The following C5orf34 variants were observed in gnomAD, a reference collection of about 807,000 sequenced individuals.
The protein encoded by C5orf34 is uncharacterized protein C5orf34.
A neutral mutation model predicts 78.4 loss-of-function variants in C5orf34; 73 were observed. The ratio of observed to expected loss-of-function variants is 0.93; its 90% CI spans 0.77 to 1.13. The LOEUF (loss-of-function observed/expected upper bound fraction) is 1.13. Among genes scored for constraint, C5orf34 ranks in the 50% most tolerant of loss-of-function variants. C5orf34 has a pLI of 0.00. For missense variants in C5orf34, 730 were observed against 732.7 expected, an observed-to-expected ratio of 1.00 and a Z score of 0.04; for synonymous variants, 251 against 246.6, an observed-to-expected ratio of 1.02 and a Z score of -0.17.
rs748411227 is a variant in C5orf34 at position 43,503,675 on chromosome 5, C to T, written c.1018G>A (p.Val340Ile). 2 of 1,609,384 alleles carry T rather than the reference C, an allele frequency of 1.2e-6. No individual in the cohort carries two copies. Among genetic ancestry groups the T allele is most frequent in the Non-Finnish European group, 1.7e-6 (2 of 1,175,736 alleles). ...ACATAGGTGCCTTACCTATATGTAA[C>T]ACCTTTGTACCAAACCATTTTCACT... The part of the protein sequence containing the change: ...ELVKMVWYKG[V>I]TYRLTHQNMN... The change falls in exon 5 of 13, where the codon GTT becomes ATT. Residue 340 changes from valine (V) to isoleucine (I), a missense_variant. Coordinates refer to ENST00000306862, the MANE Select transcript of C5orf34 (RefSeq NM_198566.4).
intron 3 of C5orf34, 75 bp downstream of exon 3, chr5:43,508,502 G>C: frequency 1.1e-6 from 1 of 888,352 alleles, no homozygotes; most frequent in Non-Finnish European, 1.8e-6. Context: ...GGAAAAAAAG[G>C]CTAAATATTA....
rs535660256 is a variant in C5orf34, at chr5:43,497,912, C to T, written c.1153-3311G>A. On this transcript the variant is annotated intron_variant, in intron 6 of 12. Coordinates refer to ENST00000306862, the MANE Select transcript of C5orf34 (RefSeq NM_198566.4). ...TTTACCTTTGGTATGTCATTTATCACGTTGTTCCCTCTACCTAGAACTCAG... is the reference window on the plus strand; with the variant it reads ...TTTACCTTTGGTATGTCATTTATCATGTTGTTCCCTCTACCTAGAACTCAG... Among the ~76,000 whole-genome samples, 55 of 152,302 alleles carry T rather than the reference C, an allele frequency of 3.6e-4. 1 individual carries two copies. The highest frequency in any genetic ancestry group is 6.8e-3 in the Middle Eastern group (2 of 294).
chr5:43,495,553 A>C, intron 6 of C5orf34: 1 of 1,612,252 alleles, frequency 6.2e-7, no homozygotes, highest in Non-Finnish European at 8.5e-7. Context: ...CCCCAGGAAG[A>C]GCTTCACTCA....
chr5:43,494,178 T>C (rs1745403648), intron 7 of C5orf34, among the ~76,000 whole-genome samples: 1 of 152,172 alleles, frequency 6.6e-6, no homozygotes, highest in Non-Finnish European at 1.5e-5. Flanking sequence ...TATAAAAATT[T>C]TAAATGTAAC....
intron 6 of C5orf34, among the ~76,000 whole-genome samples, chr5:43,497,901 G>A (rs1421308772): frequency 6.6e-6 from 1 of 152,182 alleles, no homozygotes; most frequent in Non-Finnish European, 1.5e-5. Context: ...CCTTTGGTAT[G>A]TCATTTATCA....
intron 8 of C5orf34, 32 bp from the exon 9 acceptor site, chr5:43,492,922 T>TA: frequency 3.5e-6 from 5 of 1,448,990 alleles, no homozygotes; most frequent in Non-Finnish European, 4.7e-6. Context: ...TAGCAGGAAA[T>TA]AGAGTTATCT....
In C5orf34 at chr5:43,503,757, C is replaced by A. The variant is rs753845244; in HGVS notation, c.936G>T (p.Trp312Cys). 6.2e-7 allele frequency: 1 copy of A among 1,605,376 alleles called. No individual in the cohort carries two copies. The highest frequency in any genetic ancestry group is 1.1e-5 in the South Asian group (1 of 90,848). Residue 312 changes from tryptophan (W) to cysteine (C), a missense_variant, in exon 5 of 13, where the codon TGG (tryptophan) becomes TGT (cysteine). Transcript: ENST00000306862. ...LSCPVPHLHRWNFCDSLLQRQ... is the reference protein window; with the variant it reads ...LSCPVPHLHRCNFCDSLLQRQ... ...TCTGTAAAAGTGAATCACAAAAATT[C>A]CACCTGTGAAGGATAAAATACAAGC...
At chr5:43,507,792 C>T (rs999145796) in intron 3 of C5orf34, among the ~76,000 whole-genome samples, 3 of 152,180 alleles carry the variant, frequency 2.0e-5, no homozygotes, top group South Asian at 2.1e-4. Context: ...TAAAAAGAGG[C>T]TGCCGGCCGG....
rs575842441 is a variant in C5orf34, at chr5:43,494,955, T to C, written c.1153-354A>G. ...TTCCTTCTGAAGGTTTTACGATGCA[T>C]TGTTATCATTAACCAGTCTTTCACT... On this transcript the variant is annotated intron_variant, in intron 6 of 12. Transcript: ENST00000306862. 7.1e-6 allele frequency: 6 copies of C among 840,416 alleles called. 1 individual carries two copies. The highest frequency in any genetic ancestry group is 6.8e-5 in the African/African-American group (4 of 59,030). The allele number at this position is 840,416 out of a possible 1,614,324, so 52.1% of individuals were successfully genotyped here. A position where few individuals can be genotyped will look rare whatever the true frequency, so the allele number is the denominator to read the frequency against.
intron 11 of C5orf34, chr5:43,490,389 A>G (rs1008380650): frequency 7.0e-6 from 2 of 285,894 alleles, no homozygotes; most frequent in Admixed American, 1.0e-4. Context: ...TTTTCATGTT[A>G]AGTTTTCAAT....
intron 1 of C5orf34, among the ~76,000 whole-genome samples, chr5:43,512,397 A>G (rs903294618): frequency 2.6e-5 from 4 of 152,192 alleles, no homozygotes; most frequent in African/African-American, 7.2e-5. Flanking sequence ...CTCACTACCA[A>G]CCTTCTCTCC....
chr5:43,495,918 T>A lies in C5orf34; in HGVS notation c.1153-1317A>T. On this transcript the variant is annotated intron_variant, in intron 6 of 12. Coordinates refer to ENST00000306862, the MANE Select transcript of C5orf34 (RefSeq NM_198566.4). ...GCTACTGTGTCAGGGTTGTAACCAA[T>A]TTTCTTAATGTAAGTGCTGACTTCC... The A allele has an allele frequency of 6.9e-6, 11 of 1,592,722 alleles. No individual in the cohort carries two copies. The South Asian group carries it at 1.1e-4, about 16-fold the overall frequency.
At chr5:43,510,672 A>G (rs531360859) in intron 1 of C5orf34, among the ~76,000 whole-genome samples, 2 of 152,334 alleles carry the variant, frequency 1.3e-5, no homozygotes, top group East Asian at 3.9e-4. Flanking sequence ...CCAGCTCCTA[A>G]CCGCGAGTGA....
chr5:43,509,687 A>G (rs1390757132), intron 1 of C5orf34, among the ~76,000 whole-genome samples: 1 of 152,222 alleles, frequency 6.6e-6, no homozygotes, highest in Non-Finnish European at 1.5e-5. Flanking sequence ...TATTATTTAG[A>G]AGCTTATAAC....
chr5:43,500,606 G>T (rs1457787927), intron 6 of C5orf34, among the ~76,000 whole-genome samples: 1 of 152,142 alleles, frequency 6.6e-6, no homozygotes, highest in Non-Finnish European at 1.5e-5. Context: ...ATGTTGGCTG[G>T]GCTTGTCTCG....
In C5orf34 at chr5:43,505,989, GCTTTGTAC is replaced by G; in HGVS notation, c.683_690del (p.Gly228AlafsTer33). ...TTGACCCATGTGTATACACATGTGT[GCTTTGTAC>G]CAGGCGAAGGCAGCTCTTCCCTCCC... On this transcript the variant is annotated frameshift_variant, in exon 4 of 13. Coordinates refer to ENST00000306862, the MANE Select transcript of C5orf34 (RefSeq NM_198566.4). LOFTEE classifies it high-confidence loss of function. The G allele has an allele frequency of 6.2e-7, 1 of 1,614,184 alleles. No individual in the cohort carries two copies. Among genetic ancestry groups the G allele is most frequent in the Non-Finnish European group, 8.5e-7 (1 of 1,180,036 alleles).
At chr5:43,487,814 T>C (rs1398624231) in intron 12 of C5orf34, 95 bp downstream of exon 12, 1 of 881,850 alleles carries the variant, frequency 1.1e-6, no homozygotes, top group African/African-American at 1.7e-5. Context: ...ATATATTAAG[T>C]ATAGATTAAT....
intron 1 of C5orf34, among the ~76,000 whole-genome samples, chr5:43,513,507 C>A (rs181783907): frequency 2.2e-3 from 340 of 152,346 alleles, no homozygotes; most frequent in African/African-American, 7.6e-3. Context: ...TAAAACCCAC[C>A]AGTACCTTCC....
intron 2 of C5orf34, 108 bp from the exon 3 acceptor site, chr5:43,508,774 C>A: frequency 1.3e-6 from 1 of 747,246 alleles, no homozygotes; most frequent in Admixed American, 2.5e-5. Flanking sequence ...CATATTCTAG[C>A]CACGTCAACA....
Sources: allele counts gnomAD v4.1 joint callset (sites outside exome capture counted in the v4.1 genomes callset), GRCh38; gene constraint gnomAD v4.1.1; transcripts MANE v1.5; gene names NCBI Gene and HGNC (gene_info 2026-07-23, HGNC 2026-07-21).